The following NKAIN2 variants were observed in gnomAD, a reference collection of about 807,000 sequenced individuals.
NKAIN2 encodes sodium/potassium transporting ATPase interacting 2, also known as sodium/potassium-transporting ATPase subunit beta-1-interacting protein 2.
NKAIN2 carries 14 observed loss-of-function variants against 32.6 expected under a neutral mutation model. The ratio of observed to expected loss-of-function variants is 0.43; its 90% CI spans 0.28 to 0.67. The LOEUF (loss-of-function observed/expected upper bound fraction) is 0.67. NKAIN2 is among the 30% of genes least tolerant of loss of function. NKAIN2 has a pLI of 0.17. For synonymous variants in NKAIN2, 80 were observed against 87.2 expected, an observed-to-expected ratio of 0.92 and a Z score of 0.46; for missense variants, 198 against 258.3, an observed-to-expected ratio of 0.77 and a Z score of 1.60.
chr6:124,799,834 T>G (rs768891517), intron 5 of NKAIN2, among the ~76,000 whole-genome samples: 5 of 152,232 alleles, frequency 3.3e-5, no homozygotes, highest in Non-Finnish European at 7.3e-5. Flanking sequence ...TTGATTTTGC[T>G]GACTCTGCTT....
chr6:124,217,244 G>A (rs188187105), intron 1 of NKAIN2, among the ~76,000 whole-genome samples: 79 of 152,170 alleles, frequency 5.2e-4, no homozygotes, highest in African/African-American at 1.8e-3. Flanking sequence ...GAGTGAGGTA[G>A]GAAAGTGTTG....
chr6:123,809,829 A>G (rs769538663), intron 1 of NKAIN2, among the ~76,000 whole-genome samples: 3 of 152,180 alleles, frequency 2.0e-5, no homozygotes, highest in African/African-American at 4.8e-5. Context: ...TGAAATAAGA[A>G]TAAGGTGACT....
intron 4 of NKAIN2, among the ~76,000 whole-genome samples, chr6:124,672,794 A>G (rs890132752): frequency 6.6e-6 from 1 of 152,090 alleles, no homozygotes; most frequent in Non-Finnish European, 1.5e-5. Flanking sequence ...TAAAAGATAC[A>G]GAGACAAAGG....
chr6:124,707,212 T>G (rs1424480783), intron 4 of NKAIN2, among the ~76,000 whole-genome samples: 1 of 152,178 alleles, frequency 6.6e-6, no homozygotes, highest in Non-Finnish European at 1.5e-5. Flanking sequence ...GGTGTATATG[T>G]GCCACATTTT....
At chr6:124,575,657 G>A (rs146092193) in intron 3 of NKAIN2, among the ~76,000 whole-genome samples, 43 of 152,262 alleles carry the variant, frequency 2.8e-4, no homozygotes, top group Middle Eastern at 3.4e-3. Context: ...TTCTACCGGG[G>A]AATTGCTTAG....
chr6:124,516,997 G>A (rs138390617), intron 3 of NKAIN2, among the ~76,000 whole-genome samples: 404 of 152,202 alleles, frequency 2.7e-3, no homozygotes, highest in African/African-American at 9.2e-3. Context: ...GCTTTTGAGG[G>A]CATATAGGAT....
intron 5 of NKAIN2, 40 bp from the exon 6 acceptor site, chr6:124,818,347 T>C (rs751760247): frequency 9.3e-7 from 1 of 1,072,206 alleles, no homozygotes; most frequent in South Asian, 1.3e-5. Flanking sequence ...TGGATGTATA[T>C]CTCTTCTGAA....
chr6:124,342,330 A>G (rs1798159286), intron 2 of NKAIN2, among the ~76,000 whole-genome samples: 1 of 150,274 alleles, frequency 6.7e-6, no homozygotes, highest in South Asian at 2.1e-4. Flanking sequence ...AATGGAGTGA[A>G]CCTGGGAGGC....
intron 3 of NKAIN2, among the ~76,000 whole-genome samples, chr6:124,577,369 A>G (rs1781371920): frequency 6.6e-6 from 1 of 151,758 alleles, no homozygotes; most frequent in South Asian, 2.1e-4. Context: ...GCAGCTGCAT[A>G]GTGTGGAGCA....
At chr6:124,167,403 T>A (rs1788608195) in intron 1 of NKAIN2, among the ~76,000 whole-genome samples, 1 of 152,192 alleles carries the variant, frequency 6.6e-6, no homozygotes, top group African/African-American at 2.4e-5. Flanking sequence ...GCTTATCAGC[T>A]TAAGGAGATT....
intron 1 of NKAIN2, among the ~76,000 whole-genome samples, chr6:123,921,545 T>C (rs1049325999): frequency 6.6e-6 from 1 of 152,202 alleles, no homozygotes; most frequent in African/African-American, 2.4e-5. Flanking sequence ...GGAAGTCCTG[T>C]AGTCCTGAAG....
chr6:124,257,082 A>G (rs1245443292), intron 1 of NKAIN2, among the ~76,000 whole-genome samples: 5 of 151,172 alleles, frequency 3.3e-5, no homozygotes, highest in Non-Finnish European at 4.4e-5. Context: ...TTTTTTCACT[A>G]GAGGACAAGT....
chr6:124,563,703 G>A (rs1309930759), intron 3 of NKAIN2, among the ~76,000 whole-genome samples: 2 of 152,150 alleles, frequency 1.3e-5, no homozygotes, highest in Non-Finnish European at 2.9e-5. Flanking sequence ...TGTCACCCAG[G>A]CTAGAGTGCA....
intron 4 of NKAIN2, among the ~76,000 whole-genome samples, chr6:124,681,132 G>T (rs902698900): frequency 6.6e-6 from 1 of 151,882 alleles, no homozygotes. Context: ...GGGTTAGGAC[G>T]ATAAGCACTT....
At chr6:124,139,238 G>A (rs1380000211) in intron 1 of NKAIN2, among the ~76,000 whole-genome samples, 1 of 149,328 alleles carries the variant, frequency 6.7e-6, no homozygotes, top group Non-Finnish European at 1.5e-5. Flanking sequence ...ACAGGCGCCC[G>A]CCACCGCGCC....
chr6:124,368,802 T>G (rs541745522), intron 3 of NKAIN2, among the ~76,000 whole-genome samples: 2 of 152,284 alleles, frequency 1.3e-5, no homozygotes, highest in South Asian at 4.1e-4. Flanking sequence ...TGTTCTCTTT[T>G]CAATCTGTTA....
At chr6:124,411,325 G>T (rs1774169232) in intron 3 of NKAIN2, among the ~76,000 whole-genome samples, 1 of 151,540 alleles carries the variant, frequency 6.6e-6, no homozygotes, top group Non-Finnish European at 1.5e-5. Context: ...GGTACCGGTT[G>T]TTCCTTTCCA....
intron 2 of NKAIN2, among the ~76,000 whole-genome samples, chr6:124,297,283 T>C (rs1037005982): frequency 4.6e-5 from 7 of 152,218 alleles, no homozygotes; most frequent in Admixed American, 2.0e-4. Flanking sequence ...ATGGATTAAT[T>C]AAAACATTTC....
intron 1 of NKAIN2, among the ~76,000 whole-genome samples, chr6:124,202,910 A>C (rs1220278381): frequency 1.3e-5 from 2 of 151,938 alleles, no homozygotes; most frequent in Non-Finnish European, 2.9e-5. Flanking sequence ...TGGCACCTAC[A>C]AGAGGCATAA....
Sources: allele counts gnomAD v4.1 joint callset (sites outside exome capture counted in the v4.1 genomes callset), GRCh38; gene constraint gnomAD v4.1.1; transcripts MANE v1.5; gene names NCBI Gene and HGNC (gene_info 2026-07-23, HGNC 2026-07-21).